GULP1: variants seen among roughly 807,000 people sequenced by gnomAD.
GULP1 encodes GULP PTB domain containing engulfment adaptor 1.
GULP1 carries 19 observed loss-of-function variants against 40.9 expected under a neutral mutation model. That is an observed-to-expected ratio of 0.46 (90% CI 0.32 to 0.68). GULP1 has a LOEUF of 0.68. Among genes scored for constraint, GULP1 ranks in the 30% least tolerant of loss-of-function variants. GULP1 has a pLI of 0.03. For missense variants in GULP1, 312 were observed against 362.2 expected, an observed-to-expected ratio of 0.86 and a Z score of 1.12; for synonymous variants, 119 against 117.6, an observed-to-expected ratio of 1.01 and a Z score of -0.08.
intron 2 of GULP1, among the ~76,000 whole-genome samples, chr2:188,388,548 A>G (rs2050094504): frequency 6.6e-6 from 1 of 151,978 alleles, no homozygotes; most frequent in Non-Finnish European, 1.5e-5. Flanking sequence ...GTCTCAAAAA[A>G]TCAAAAAAAA....
chr2:188,307,146 C>T (rs1409221489), intron 1 of GULP1, among the ~76,000 whole-genome samples: 6 of 152,072 alleles, frequency 3.9e-5, no homozygotes, highest in Non-Finnish European at 8.8e-5. Flanking sequence ...TGTCATGAAA[C>T]TATGATTCTT....
chr2:188,520,527 TAAAAA>T (rs754573431), intron 4 of GULP1, among the ~76,000 whole-genome samples: 1 of 92,416 alleles, frequency 1.1e-5, no homozygotes, highest in Non-Finnish European at 2.2e-5. Flanking sequence ...AGACTCCATC[TAAAAA>T]AAAAAAAAAA....
chr2:188,353,291 G>A (rs2044762449), intron 1 of GULP1, among the ~76,000 whole-genome samples: 1 of 152,144 alleles, frequency 6.6e-6, no homozygotes, highest in Admixed American at 6.5e-5. Flanking sequence ...AATTCTTTAT[G>A]TGTACTAACT....
chr2:188,468,210 G>A (rs1559276420), intron 2 of GULP1, among the ~76,000 whole-genome samples: 1 of 151,902 alleles, frequency 6.6e-6, no homozygotes, highest in Non-Finnish European at 1.5e-5. Context: ...TGTTTACAGT[G>A]TTTTCTTTGA....
At chr2:188,322,417 A>G (rs985546552) in intron 1 of GULP1, among the ~76,000 whole-genome samples, 5 of 152,022 alleles carry the variant, frequency 3.3e-5, no homozygotes, top group South Asian at 2.1e-4. Context: ...ACTTTGTAAT[A>G]CCTTAGAGAA....
At chr2:188,308,480 G>A (rs1016783286) in intron 1 of GULP1, among the ~76,000 whole-genome samples, 1 of 152,140 alleles carries the variant, frequency 6.6e-6, no homozygotes, top group Non-Finnish European at 1.5e-5. Context: ...ATATGAGTGT[G>A]TGTTTGTGTG....
chr2:188,367,493 G>C (rs368257838), intron 1 of GULP1, among the ~76,000 whole-genome samples: 1 of 152,190 alleles, frequency 6.6e-6, no homozygotes, highest in African/African-American at 2.4e-5. Context: ...GGAGAATCAG[G>C]TGGTATTTAA....
intron 6 of GULP1, among the ~76,000 whole-genome samples, 172 bp from the exon 7 acceptor site, chr2:188,541,009 T>C (rs1690333846): frequency 6.6e-6 from 1 of 152,230 alleles, no homozygotes; most frequent in African/African-American, 2.4e-5. Context: ...TCAGGAGGTC[T>C]ATCTGTATCC....
chr2:188,410,964 G>A (rs921483924), intron 2 of GULP1, among the ~76,000 whole-genome samples: 4 of 152,174 alleles, frequency 2.6e-5, no homozygotes, highest in Non-Finnish European at 5.9e-5. Context: ...TAAATAGCTT[G>A]TTTACTCATG....
chr2:188,459,532 G>A (rs6722940), intron 2 of GULP1, among the ~76,000 whole-genome samples: 19,074 of 152,032 alleles, frequency 0.13, 2,911 homozygotes, highest in African/African-American at 0.36. Flanking sequence ...ATTTTTTCCT[G>A]CAGAGTTGTT....
intron 1 of GULP1, among the ~76,000 whole-genome samples, chr2:188,321,787 C>T (rs1004594680): frequency 4.0e-5 from 6 of 151,816 alleles, no homozygotes; most frequent in African/African-American, 1.2e-4. Context: ...GAGTCAGAGG[C>T]GGGCAGATCA....
At chr2:188,366,762 T>G (rs2046856258) in intron 1 of GULP1, among the ~76,000 whole-genome samples, 1 of 151,782 alleles carries the variant, frequency 6.6e-6, no homozygotes, top group Admixed American at 6.6e-5. Context: ...CCCAGCTAAT[T>G]TTTTGTATTT....
intron 4 of GULP1, among the ~76,000 whole-genome samples, chr2:188,520,528 A>T (rs2065641238): frequency 1.6e-5 from 2 of 125,458 alleles, no homozygotes; most frequent in Admixed American, 1.6e-4. Flanking sequence ...GACTCCATCT[A>T]AAAAAAAAAA....
chr2:188,382,116 A>G (rs2049075878), intron 1 of GULP1, among the ~76,000 whole-genome samples: 1 of 152,118 alleles, frequency 6.6e-6, no homozygotes. Flanking sequence ...CCTCTCTTTT[A>G]GTGCTGTAGT....
At chr2:188,429,517 T>C (rs2056608313) in intron 2 of GULP1, among the ~76,000 whole-genome samples, 1 of 151,998 alleles carries the variant, frequency 6.6e-6, no homozygotes, top group Non-Finnish European at 1.5e-5. Flanking sequence ...AAAGATTCAG[T>C]AGGAGTCAGT....
At chr2:188,547,035 G>A (rs963574835) in intron 7 of GULP1, among the ~76,000 whole-genome samples, 1 of 151,674 alleles carries the variant, frequency 6.6e-6, no homozygotes, top group South Asian at 2.1e-4. Context: ...TAACTATAAA[G>A]GAAATTAAAT....
intron 10 of GULP1, 38 bp from the exon 11 acceptor site, chr2:188,587,817 T>A: frequency 8.9e-7 from 1 of 1,117,528 alleles, no homozygotes; most frequent in Non-Finnish European, 1.4e-6. Context: ...AGCTCACTTC[T>A]TGTTATTTCA....
chr2:188,500,784 A>T (rs1163069818), intron 4 of GULP1, among the ~76,000 whole-genome samples: 1 of 151,866 alleles, frequency 6.6e-6, no homozygotes, highest in Non-Finnish European at 1.5e-5. Context: ...CTGGCTCTTG[A>T]TACTCCCTCA....
At chr2:188,479,888 T>A (rs2061318083) in intron 3 of GULP1, among the ~76,000 whole-genome samples, 1 of 152,126 alleles carries the variant, frequency 6.6e-6, no homozygotes, top group South Asian at 2.1e-4. Context: ...ATTTGGAGAA[T>A]CAAGAAGCAG....
Sources: gnomAD v4.1 joint callset for allele counts (sites outside exome capture counted in the v4.1 genomes callset) on GRCh38, gnomAD v4.1.1 for gene constraint, MANE v1.5 for transcripts, NCBI Gene and HGNC (gene_info 2026-07-23, HGNC 2026-07-21) for gene names.